SLC30A4: variants seen among roughly 807,000 people sequenced by gnomAD.
SLC30A4 encodes the protein probable proton-coupled zinc antiporter SLC30A4.
Under a neutral mutation model 41.7 loss-of-function variants are expected in SLC30A4, and 20 were observed. The ratio of observed to expected loss-of-function variants is 0.48; its 90% CI spans 0.34 to 0.70. The LOEUF is 0.70. Among genes scored for constraint, SLC30A4 ranks in the 30% least tolerant of loss-of-function variants. SLC30A4 has a pLI of 0.01. For synonymous variants in SLC30A4, 181 were observed against 195.9 expected, an observed-to-expected ratio of 0.92 and a Z score of 0.64; for missense variants, 441 against 529.3, an observed-to-expected ratio of 0.83 and a Z score of 1.64.
At chr15:45,504,256 ATTTCT>A (rs1247339243) in intron 3 of SLC30A4, among the ~76,000 whole-genome samples, 3 of 152,228 alleles carry the variant, frequency 2.0e-5, no homozygotes, top group South Asian at 2.1e-4. Flanking sequence ...TGCTCCTTCA[ATTTCT>A]TTTATTTCTA....
In SLC30A4 at chr15:45,522,170, A is replaced by T; in HGVS notation, c.185T>A (p.Val62Asp). 1 of 1,614,228 alleles carries T rather than the reference A, an allele frequency of 6.2e-7. No individual in the cohort carries two copies. Among genetic ancestry groups the T allele is most frequent in the Non-Finnish European group, 8.5e-7 (1 of 1,180,042 alleles). ...CTGGAGGGTCGGGTGCGCCCCGTTA[A>T]CAGGCCTTTCCGGGGCTTCGGAACC... ...DDGSEAPERP[V>D]NGAHPTLQAD... Residue 62 changes from valine to aspartate, a missense_variant, in exon 2 of 8, where the codon GTT becomes GAT. By Grantham distance (152) the Val-to-Asp change is radical. Around this residue, in one of 3 missense-constraint regions of SLC30A4, gnomAD observed 312 missense variants for 341.9 expected, o/e 0.91. Coordinates refer to ENST00000261867, the MANE Select transcript of SLC30A4 (RefSeq NM_013309.6).
chr15:45,486,416 C>T (rs1891707391), intron 7 of SLC30A4, among the ~76,000 whole-genome samples, 195 bp downstream of exon 7: 1 of 152,128 alleles, frequency 6.6e-6, no homozygotes, highest in South Asian at 2.1e-4. Context: ...CAATACTGAC[C>T]TGCAACTTAC....
intron 5 of SLC30A4, among the ~76,000 whole-genome samples, chr15:45,488,315 G>A (rs1027547226): frequency 5.3e-5 from 8 of 152,154 alleles, no homozygotes; most frequent in African/African-American, 1.9e-4. Flanking sequence ...GCTCATGCCC[G>A]TAATCTCAGC....
At position 45,485,363 on chromosome 15, in the gene SLC30A4, T is replaced by A. The variant is rs778451787; in HGVS notation, c.1136-46A>T. 5 of 1,371,340 alleles carry A rather than the reference T, an allele frequency of 3.6e-6. No individual in the cohort carries two copies. The South Asian group carries it at 6.5e-5, about 18-fold the overall frequency. 84.9% of individuals were successfully genotyped at this position (1,371,340 alleles called of 1,614,324 possible). A position where few individuals can be genotyped will look rare whatever the true frequency, so the allele number is the denominator to read the frequency against. ...CATTACTATCCATTGTACAGTTACA[T>A]CTTGAATAAGATACAGGGAAAAAAA... On this transcript the variant is annotated intron_variant, in intron 7 of 7. Coordinates refer to ENST00000261867, the MANE Select transcript of SLC30A4 (RefSeq NM_013309.6).
At chr15:45,495,466 C>G (rs1891892603) in intron 3 of SLC30A4, among the ~76,000 whole-genome samples, 1 of 152,192 alleles carries the variant, frequency 6.6e-6, no homozygotes, top group African/African-American at 2.4e-5. Context: ...ATTTGTATTT[C>G]AGACAACAAA....
In SLC30A4 at chr15:45,514,510, ATTT is replaced by A. The variant is rs751585996; in HGVS notation, c.392-3229_392-3227del. On this transcript the variant is annotated intron_variant, in intron 2 of 7. Coordinates refer to ENST00000261867, the MANE Select transcript of SLC30A4 (RefSeq NM_013309.6). ...ATTTGGAGTTTAGATTGATATTCCA[ATTT>A]TTTTTTTTTTTTTTTTTTTGAGACA... Among the ~76,000 whole-genome samples the A allele has an allele frequency of 4.5e-3, 568 of 124,936 alleles. 3 individuals carry two copies. Among genetic ancestry groups the A allele is most frequent in the African/African-American group, 0.016 (515 of 31,238 alleles). 82.0% of individuals were successfully genotyped at this position (124,936 alleles called of 152,430 possible).
intron 2 of SLC30A4, among the ~76,000 whole-genome samples, chr15:45,516,671 C>G (rs1375899563): frequency 6.6e-6 from 1 of 152,096 alleles, no homozygotes; most frequent in Non-Finnish European, 1.5e-5. Flanking sequence ...GAGTTCAAGA[C>G]CAGCCTGGCC....
chr15:45,507,849 T>C (rs1401659144), intron 3 of SLC30A4, among the ~76,000 whole-genome samples: 1 of 152,166 alleles, frequency 6.6e-6, no homozygotes, highest in Non-Finnish European at 1.5e-5. Flanking sequence ...TAGTTTAGTT[T>C]TGGTCATTTT....
intron 4 of SLC30A4, among the ~76,000 whole-genome samples, chr15:45,490,019 C>G (rs545633784): frequency 6.6e-6 from 1 of 152,222 alleles, no homozygotes; most frequent in African/African-American, 2.4e-5. Flanking sequence ...TATTTACTAT[C>G]TAGCCTTTTA....
chr15:45,516,074 A>G (rs191658263), intron 2 of SLC30A4, among the ~76,000 whole-genome samples: 5 of 152,176 alleles, frequency 3.3e-5, no homozygotes, highest in Admixed American at 3.3e-4. Context: ...CTGAATTTCT[A>G]TTTTAAAGTA....
rs1891583409 is a variant in SLC30A4, at chr15:45,480,188, A to G, written c.*4975T>C. ...CCATAAATGTTTTCCAATCTTATCA[A>G]AAAGCAAATTGGTCCTCAATGATTG... On this transcript the variant is annotated 3_prime_UTR_variant, in exon 8 of 8. Coordinates refer to ENST00000261867, the MANE Select transcript of SLC30A4 (RefSeq NM_013309.6). 1 of 152,170 alleles carries G rather than the reference A, an allele frequency of 6.6e-6. No individual in the cohort carries two copies. The highest frequency in any genetic ancestry group is 2.4e-5 in the African/African-American group (1 of 41,434). The allele number at this position is 152,170 out of a possible 1,614,324, so 9.4% of individuals were successfully genotyped here. A position where few individuals can be genotyped will look rare whatever the true frequency, so the allele number is the denominator to read the frequency against.
chr15:45,522,440 G>A lies in SLC30A4; in HGVS notation c.-86C>T. The A allele has an allele frequency of 7.7e-7, 1 of 1,301,226 alleles. No homozygotes were observed. Among genetic ancestry groups the A allele is most frequent in the Non-Finnish European group, 1.0e-6 (1 of 961,058 alleles). The allele number at this position is 1,301,226 out of a possible 1,614,324, so 80.6% of individuals were successfully genotyped here. Reference sequence around the variant, plus strand: ...CTACTTCACCGGAGCGCCAGTTCTCGAGGGCAGTGCCGCGCGTCCCTCCCC... The same window carrying A: ...CTACTTCACCGGAGCGCCAGTTCTCAAGGGCAGTGCCGCGCGTCCCTCCCC... On this transcript the variant is annotated 5_prime_UTR_variant, in exon 2 of 8. It introduces an in-frame stop codon into an upstream open reading frame of the 5' UTR. Coordinates refer to ENST00000261867, the MANE Select transcript of SLC30A4 (RefSeq NM_013309.6).
At chr15:45,517,487 G>C (rs1892520959) in intron 2 of SLC30A4, among the ~76,000 whole-genome samples, 2 of 150,708 alleles carry the variant, frequency 1.3e-5, no homozygotes, top group Admixed American at 1.3e-4. Flanking sequence ...CCGAGTAGCT[G>C]GGATTACAGG....
In SLC30A4 at chr15:45,483,215, T is replaced by C. The variant is rs554476018; in HGVS notation, c.*1948A>G. 1 of 152,354 alleles carries C rather than the reference T, an allele frequency of 6.6e-6. No individual in the cohort carries two copies. Among genetic ancestry groups the C allele is most frequent in the East Asian group, 1.9e-4 (1 of 5,192 alleles). The allele number at this position is 152,354 out of a possible 1,614,324, so 9.4% of individuals were successfully genotyped here. ...TGGGTTTTCTTATCTTAGGTTTACT[T>C]ATAGTAAGGTACTTGGTAAGAAGAT... On this transcript the variant is annotated 3_prime_UTR_variant, in exon 8 of 8. Transcript: ENST00000261867.
chr15:45,520,431 G>A lies in SLC30A4; in HGVS notation c.391+1533C>T, dbSNP rs772918098. On this transcript the variant is annotated intron_variant, in intron 2 of 7. Transcript: ENST00000261867. ...ATTACAGGCGCCCACCACAACGTCC[G>A]GCTAATTTTTGTATTTTGTTTTTAG... 3.8e-4 allele frequency among the ~76,000 whole-genome samples: 57 copies of A among 151,976 alleles called. 2 individuals are homozygous for A. The highest frequency in any genetic ancestry group is 2.8e-4 in the Non-Finnish European group (19 of 67,966).
At chr15:45,489,098 G>C in intron 4 of SLC30A4, 56 bp from the exon 5 acceptor site, 2 of 1,265,214 alleles carry the variant, frequency 1.6e-6, no homozygotes, top group Admixed American at 4.3e-5. Context: ...AAAAACATTT[G>C]TCACTAGTCA....
intron 5 of SLC30A4, among the ~76,000 whole-genome samples, 187 bp downstream of exon 5, chr15:45,488,654 C>A (rs62025210): frequency 6.6e-6 from 1 of 152,112 alleles, no homozygotes; most frequent in Admixed American, 6.6e-5. Context: ...AGATAAGTTA[C>A]CCTGTGACGT....
At chr15:45,492,088 A>C (rs1036068708) in intron 3 of SLC30A4, among the ~76,000 whole-genome samples, 1 of 152,156 alleles carries the variant, frequency 6.6e-6, no homozygotes, top group African/African-American at 2.4e-5. Flanking sequence ...AAAACTAATC[A>C]AAACTTAAAA....
rs983646033 is a variant in SLC30A4 at position 45,522,663 on chromosome 15, G to C, written c.-171C>G. On this transcript the variant is annotated 5_prime_UTR_variant, in exon 1 of 8. Coordinates refer to ENST00000261867, the MANE Select transcript of SLC30A4 (RefSeq NM_013309.6). ...TCCCCGCCCCCGGCCGGCTCAGCGA[G>C]GCGGGCTCGCGCTGCTCCACCCGCG... 10 of 234,896 alleles carry C rather than the reference G, an allele frequency of 4.3e-5. No homozygotes were observed. Among genetic ancestry groups the C allele is most frequent in the Non-Finnish European group, 5.7e-5 (7 of 123,882 alleles). The allele number at this position is 234,896 out of a possible 1,614,324, so 14.6% of individuals were successfully genotyped here. A position where few individuals can be genotyped will look rare whatever the true frequency, so the allele number is the denominator to read the frequency against.
Sources: gnomAD v4.1 joint callset for allele counts (sites outside exome capture counted in the v4.1 genomes callset) on GRCh38, gnomAD v4.1.1 for gene constraint, gnomAD v4.1.1 regional missense constraint, MANE v1.5 for transcripts, NCBI Gene and HGNC (gene_info 2026-07-23, HGNC 2026-07-21) for gene names.